PTCHD4: variants seen among roughly 807,000 people sequenced by gnomAD.
PTCHD4 encodes the protein patched domain-containing protein 4.
Under a neutral mutation model 58.1 loss-of-function variants are expected in PTCHD4, and 33 were observed. The observed-to-expected ratio is 0.57, with a 90% CI of 0.43 to 0.76. The LOEUF is 0.76. PTCHD4 is among the 30% of genes least tolerant of loss of function. The pLI, the probability that PTCHD4 is intolerant of heterozygous loss-of-function variation, is 0.00. For missense variants in PTCHD4, 1,058 were observed against 1,027.1 expected, an observed-to-expected ratio of 1.03 and a Z score of -0.41; for synonymous variants, 478 against 409.6, an observed-to-expected ratio of 1.17 and a Z score of -2.02.
chr6:48,022,973 C>T (rs1763117951), intron 3 of PTCHD4, among the ~76,000 whole-genome samples: 1 of 152,114 alleles, frequency 6.6e-6, no homozygotes, highest in African/African-American at 2.4e-5. Context: ...TTAAAGTTAG[C>T]TTGCATTCCA....
intron 3 of PTCHD4, among the ~76,000 whole-genome samples, chr6:48,055,050 T>A (rs1394038972): frequency 1.3e-5 from 2 of 152,272 alleles, no homozygotes; most frequent in East Asian, 3.9e-4. Context: ...GATATTTGAT[T>A]CATAGATTTG....
In PTCHD4 at chr6:47,892,420, C is replaced by T. The variant is rs974398940; in HGVS notation, c.899-12484G>A. ...TGAAGGACATTTCCTGAGTGCTGCC[C>T]GGTAAGATATGGTAAAATGTCATCA... is the stretch of plus-strand genomic sequence containing the variant. On this transcript the variant is annotated intron_variant, in intron 4 of 4. Transcript: ENST00000339488. Among the ~76,000 whole-genome samples the T allele has an allele frequency of 3.2e-4, 48 of 152,216 alleles. No individual in the cohort carries two copies. The East Asian group carries it at 3.9e-3, about 12-fold the overall frequency.
intron 4 of PTCHD4, among the ~76,000 whole-genome samples, chr6:47,951,294 C>T (rs181986248): frequency 6.6e-6 from 1 of 152,116 alleles, no homozygotes; most frequent in East Asian, 1.9e-4. Flanking sequence ...TCACTCCTAG[C>T]CCAAAGGGGC....
intron 4 of PTCHD4, among the ~76,000 whole-genome samples, chr6:47,947,288 C>T (rs1766460648): frequency 6.6e-6 from 1 of 152,076 alleles, no homozygotes; most frequent in Non-Finnish European, 1.5e-5. Context: ...ACTAACTTTG[C>T]CCAATCTTTT....
At chr6:47,999,182 C>G (rs1768617694) in intron 4 of PTCHD4, among the ~76,000 whole-genome samples, 1 of 152,118 alleles carries the variant, frequency 6.6e-6, no homozygotes. Flanking sequence ...TCTTCCTCAT[C>G]CAATGAGAGA....
intron 4 of PTCHD4, among the ~76,000 whole-genome samples, chr6:47,950,058 G>C (rs1361822573): frequency 4.8e-5 from 6 of 123,758 alleles, no homozygotes; most frequent in Non-Finnish European, 9.7e-5. Flanking sequence ...AGGCCCCGGA[G>C]TGTGACGTTC....
At chr6:48,065,802 G>A (rs1174140201) in intron 3 of PTCHD4, among the ~76,000 whole-genome samples, 1 of 152,186 alleles carries the variant, frequency 6.6e-6, no homozygotes, top group Admixed American at 6.5e-5. Context: ...AGAGAGTTAA[G>A]ACAACACATT....
intron 1 of PTCHD4, among the ~76,000 whole-genome samples, chr6:48,091,084 C>A (rs570100757): frequency 6.6e-6 from 1 of 152,110 alleles, no homozygotes; most frequent in East Asian, 1.9e-4. Context: ...GCAAGGTAAA[C>A]CTTGGCAAAA....
chr6:48,104,351 A>G (rs1433790113), intron 1 of PTCHD4, among the ~76,000 whole-genome samples: 2 of 152,210 alleles, frequency 1.3e-5, no homozygotes, highest in African/African-American at 4.8e-5. Context: ...CAGCCAAACT[A>G]AGCTTCATAA....
intron 1 of PTCHD4, among the ~76,000 whole-genome samples, chr6:48,070,153 G>GTA (rs1482748615): frequency 3.7e-5 from 4 of 106,692 alleles, no homozygotes; most frequent in African/African-American, 7.3e-5. Flanking sequence ...GTGTGTGTGT[G>GTA]TGTATATATA....
intron 1 of PTCHD4, among the ~76,000 whole-genome samples, chr6:48,098,771 C>T (rs956145498): frequency 5.3e-5 from 8 of 152,118 alleles, no homozygotes; most frequent in Non-Finnish European, 7.4e-5. Flanking sequence ...TTGTTAACTC[C>T]AGAGATGTCC....
chr6:48,034,909 G>A (rs1456345367), intron 3 of PTCHD4, among the ~76,000 whole-genome samples: 2 of 152,140 alleles, frequency 1.3e-5, no homozygotes, highest in Non-Finnish European at 2.9e-5. Context: ...CAGGGACAGG[G>A]TGGTATCTTC....
chr6:48,015,751 T>C (rs1479815051), intron 3 of PTCHD4, among the ~76,000 whole-genome samples: 2 of 152,036 alleles, frequency 1.3e-5, no homozygotes, highest in East Asian at 1.9e-4. Flanking sequence ...CCTTTTTGTG[T>C]CCTCTGCTAG....
At chr6:47,922,990 C>G (rs370896251) in intron 4 of PTCHD4, among the ~76,000 whole-genome samples, 1 of 151,996 alleles carries the variant, frequency 6.6e-6, no homozygotes, top group Non-Finnish European at 1.5e-5. Flanking sequence ...CTTTTTGGAG[C>G]CTTTGGTACA....
At chr6:47,985,172 A>G (rs918956307) in intron 4 of PTCHD4, among the ~76,000 whole-genome samples, 3 of 152,124 alleles carry the variant, frequency 2.0e-5, no homozygotes, top group Non-Finnish European at 2.9e-5. Flanking sequence ...TTCTCTATGT[A>G]TAGCTTCCAT....
At chr6:48,102,739 C>T (rs977773645) in intron 1 of PTCHD4, among the ~76,000 whole-genome samples, 5 of 152,190 alleles carry the variant, frequency 3.3e-5, no homozygotes, top group East Asian at 1.9e-4. Flanking sequence ...CCTGGAAAAT[C>T]GGGTCACTCC....
intron 1 of PTCHD4, among the ~76,000 whole-genome samples, chr6:48,099,689 T>C (rs1422509762): frequency 6.6e-6 from 1 of 152,242 alleles, no homozygotes; most frequent in Non-Finnish European, 1.5e-5. Context: ...AGGGTCAGTC[T>C]GTCACTGCCT....
At chr6:47,936,799 A>G (rs1459231316) in intron 4 of PTCHD4, among the ~76,000 whole-genome samples, 1 of 152,214 alleles carries the variant, frequency 6.6e-6, no homozygotes, top group East Asian at 1.9e-4. Flanking sequence ...ATAATAAATA[A>G]GTAAAATATA....
intron 3 of PTCHD4, among the ~76,000 whole-genome samples, chr6:48,012,347 GT>G (rs1762708711): frequency 6.6e-6 from 1 of 152,116 alleles, no homozygotes; most frequent in Non-Finnish European, 1.5e-5. Flanking sequence ...GTGAATGGGA[GT>G]TCACTCATGA....
Sources: allele counts gnomAD v4.1 joint callset (sites outside exome capture counted in the v4.1 genomes callset), GRCh38; gene constraint gnomAD v4.1.1; transcripts MANE v1.5; gene names NCBI Gene and HGNC (gene_info 2026-07-23, HGNC 2026-07-21).